Variants in LRRC47 observed in about 807,000 individuals in gnomAD.
LRRC47 encodes the protein leucine rich repeat containing 47.
LRRC47 carries 31 observed loss-of-function variants against 40.9 expected under a neutral mutation model. That is an observed-to-expected ratio of 0.76 (90% CI 0.57 to 1.02). The LOEUF (loss-of-function observed/expected upper bound fraction) is 1.02, where lower values mean the gene tolerates loss of function less well. Among genes scored for constraint, LRRC47 ranks in the 50% least tolerant of loss-of-function variants. LRRC47 has a pLI of 0.00. For synonymous variants in LRRC47, 427 were observed against 371.9 expected, an observed-to-expected ratio of 1.15 and a Z score of -1.70; for missense variants, 726 against 796.1, an observed-to-expected ratio of 0.91 and a Z score of 1.06.
intron 1 of LRRC47, among the ~76,000 whole-genome samples, chr1:3,791,581 C>T (rs1005293111): frequency 1.2e-4 from 19 of 152,178 alleles, no homozygotes; most frequent in African/African-American, 3.9e-4. Context: ...CTCAGCTTCC[C>T]GAGTAGCTGG....
intron 1 of LRRC47, among the ~76,000 whole-genome samples, chr1:3,794,030 C>G (rs925939560): frequency 1.3e-5 from 2 of 152,094 alleles, no homozygotes; most frequent in Admixed American, 6.6e-5. Context: ...TCCATCTCTA[C>G]TAAAAATACG....
intron 1 of LRRC47, among the ~76,000 whole-genome samples, chr1:3,791,008 G>T (rs550649652): frequency 1.3e-5 from 2 of 152,226 alleles, no homozygotes; most frequent in Admixed American, 6.5e-5. Context: ...CATGTTCCAG[G>T]TTGATGCCTG....
At position 3,796,248 on chromosome 1, in the gene LRRC47, G is replaced by GCTGCGGCAGGCC; in HGVS notation, c.217_228dup (p.Gly73_Gln76dup). On this transcript the variant is annotated inframe_insertion, in exon 1 of 7. Transcript: ENST00000378251. ...TTGCGCCGCAGCACGAGGCTGTGCA[G>GCTGCGGCAGGCC]CTGCGGCAGGCCCTGCGCCAGGCCA... 4.1e-6 allele frequency: 6 copies of GCTGCGGCAGGCC among 1,455,282 alleles called. No individual in the cohort carries two copies. Among genetic ancestry groups the GCTGCGGCAGGCC allele is most frequent in the East Asian group, 3.0e-5 (1 of 33,672 alleles). 90.1% of individuals were successfully genotyped at this position (1,455,282 alleles called of 1,614,324 possible).
intron 2 of LRRC47, 123 bp downstream of exon 2, chr1:3,786,726 A>T (rs2124611467): frequency 2.2e-6 from 2 of 910,690 alleles, no homozygotes; most frequent in Non-Finnish European, 1.6e-6. Flanking sequence ...AAGCACACAG[A>T]CACCCGGCTG....
In LRRC47 at chr1:3,785,117, C is replaced by T. The variant is rs1643559728; in HGVS notation, c.1164G>A (p.Leu388=). Reference sequence around the variant, plus strand: ...GGTCCTGTGGGGGCCGGGCGCAGTACAGCAGGGGCCCTTTGACGGCACGGA... The same window carrying T: ...GGTCCTGTGGGGGCCGGGCGCAGTATAGCAGGGGCCCTTTGACGGCACGGA... ...HELRAVKGPL[L]YCARPPQDLK... Residue 388 remains leucine, a synonymous_variant, in exon 3 of 7, where the codon CTG becomes CTA. Transcript: ENST00000378251. 1 of 1,601,136 alleles carries T rather than the reference C, an allele frequency of 6.2e-7. No individual in the cohort carries two copies. The highest frequency in any genetic ancestry group is 1.1e-5 in the South Asian group (1 of 90,086).
chr1:3,790,153 G>A (rs556352324), intron 1 of LRRC47, among the ~76,000 whole-genome samples: 1 of 152,364 alleles, frequency 6.6e-6, no homozygotes, highest in Non-Finnish European at 1.5e-5. Flanking sequence ...GCTGCCTTCC[G>A]GGCCCATGGC....
At chr1:3,783,900 A>T (rs527538399) in intron 4 of LRRC47, 96 bp downstream of exon 4, 1 of 965,602 alleles carries the variant, frequency 1.0e-6, no homozygotes, top group East Asian at 2.7e-5. Context: ...TTCTGGTAGC[A>T]TTAGGCGGTT....
At chr1:3,792,895 C>G (rs947094889) in intron 1 of LRRC47, among the ~76,000 whole-genome samples, 2 of 152,214 alleles carry the variant, frequency 1.3e-5, no homozygotes, top group Admixed American at 6.5e-5. Context: ...CCAAAAGTAT[C>G]TGTCAGGTGG....
chr1:3,791,876 C>A (rs1484621448), intron 1 of LRRC47, among the ~76,000 whole-genome samples: 3 of 152,158 alleles, frequency 2.0e-5, no homozygotes, highest in Admixed American at 1.3e-4. Context: ...ACCTCAGCCT[C>A]CTGAGTAGCT....
In LRRC47 at chr1:3,781,063, C is replaced by G; in HGVS notation, c.*25G>C. On this transcript the variant is annotated 3_prime_UTR_variant, in exon 7 of 7. Coordinates refer to ENST00000378251, the MANE Select transcript of LRRC47 (RefSeq NM_020710.3). ...AGAAACCTCCGCAAAACCGGCCAAA[C>G]AAACGCGGACAGGCGGCCCTGGCGT... The G allele has an allele frequency of 1.2e-6, 2 of 1,600,280 alleles. No homozygotes were observed. Among genetic ancestry groups the G allele is most frequent in the Non-Finnish European group, 1.7e-6 (2 of 1,170,182 alleles).
At chr1:3,793,254 G>A (rs1016115581) in intron 1 of LRRC47, among the ~76,000 whole-genome samples, 1 of 152,116 alleles carries the variant, frequency 6.6e-6, no homozygotes, top group Non-Finnish European at 1.5e-5. Context: ...TAGGATTACA[G>A]GCATGTGCCA....
rs763025814 is a variant in LRRC47, at chr1:3,782,779, T to C, written c.1311-16A>G. 2.8e-6 allele frequency: 4 copies of C among 1,432,854 alleles called. No homozygotes were observed. Among genetic ancestry groups the C allele is most frequent in the South Asian group, 2.3e-5 (2 of 87,530 alleles). 88.8% of individuals were successfully genotyped at this position (1,432,854 alleles called of 1,614,324 possible). ...GTGAAGGTATCTGTATGGGAAGAAATACAAATTCCAGGCATAATTATAAAA... is the reference window on the plus strand; with the variant it reads ...GTGAAGGTATCTGTATGGGAAGAAACACAAATTCCAGGCATAATTATAAAA... On this transcript the variant is annotated splice_polypyrimidine_tract_variant and intron_variant, in intron 4 of 6. Transcript: ENST00000378251.
intron 2 of LRRC47, 104 bp downstream of exon 2, chr1:3,786,745 A>ACTCCACTG: frequency 3.6e-6 from 4 of 1,102,318 alleles, no homozygotes; most frequent in Non-Finnish European, 5.1e-6. Context: ...TGGGCCCCAT[A>ACTCCACTG]CTCCACTGCT....
chr1:3,785,837 CCAAAATAT>C lies in LRRC47; in HGVS notation c.1078-642_1078-635del, dbSNP rs923282073. Among the ~76,000 whole-genome samples, 367 of 151,096 alleles carry C rather than the reference CCAAAATAT, an allele frequency of 2.4e-3. 1 individual carries two copies. Among genetic ancestry groups the C allele is most frequent in the African/African-American group, 8.4e-3 (348 of 41,214 alleles). On this transcript the variant is annotated intron_variant, in intron 2 of 6. Coordinates refer to ENST00000378251, the MANE Select transcript of LRRC47 (RefSeq NM_020710.3). Reference sequence around the variant, plus strand: ...TTTACTGCAGAAGTCAGAAAACCCACCAAAATATCAAAAAATCAAGGAACCCTGATTTT... The same window carrying C: ...TTTACTGCAGAAGTCAGAAAACCCACCAAAAAATCAAGGAACCCTGATTTT...
Position 3,784,025 on chromosome 1 carries a change from CT to C in LRRC47, c.1280del (p.Lys427ArgfsTer32). 1.9e-6 allele frequency: 3 copies of C among 1,611,152 alleles called. No homozygotes were observed. The highest frequency in any genetic ancestry group is 2.5e-6 in the Non-Finnish European group (3 of 1,179,828). ...QLEAEEQRKQ[K>X]KRQSVSGLHR... ...GCAGGCCCGACACACTCTGCCGCTT[CT>C]TCTGCTTCCTCTGCTCCTCGGCCTC... On this transcript the variant is annotated frameshift_variant, in exon 4 of 7. Transcript: ENST00000378251. LOFTEE classifies it high-confidence loss of function.
rs1643517087 is a variant in LRRC47, at chr1:3,781,262, T to C, written c.1578A>G (p.Ala526=). ...EGSLSDTEAD[A]VSGQLPDPTT... is the part of the protein sequence containing the mutation. ...TGGGATCTGGAAGTTGTCCAGAGAC[T>C]GCATCGGCTTCAGTATCTGAGAGTG... The change falls in exon 7 of 7, where the codon GCA becomes GCG. Residue 526 remains alanine, a synonymous_variant. Transcript: ENST00000378251. The C allele has an allele frequency of 6.2e-7, 1 of 1,614,240 alleles. No individual in the cohort carries two copies. Among genetic ancestry groups the C allele is most frequent in the African/African-American group, 1.3e-5 (1 of 75,068 alleles).
In LRRC47 at chr1:3,791,412, GC is replaced by G. The variant is rs893721482; in HGVS notation, c.616-4103del. Among the ~76,000 whole-genome samples, 21 of 152,334 alleles carry G rather than the reference GC, an allele frequency of 1.4e-4. 1 individual carries two copies. The highest frequency in any genetic ancestry group is 1.1e-3 in the Admixed American group (17 of 15,306). On this transcript the variant is annotated intron_variant, in intron 1 of 6. Coordinates refer to ENST00000378251, the MANE Select transcript of LRRC47 (RefSeq NM_020710.3). Reference sequence around the variant, plus strand: ...CGGCACGCAGCCACAGAGAGACAGGGCTGGAGCCCGTGCCTTCTGTTTTTTT... The same window carrying G: ...CGGCACGCAGCCACAGAGAGACAGGGTGGAGCCCGTGCCTTCTGTTTTTTT...
At chr1:3,795,809 T>A in intron 1 of LRRC47, 53 bp downstream of exon 1, 2 of 1,475,854 alleles carry the variant, frequency 1.4e-6, no homozygotes, top group Non-Finnish European at 1.8e-6. Context: ...GGGTTCCTTC[T>A]CCAGGGCTAC....
intron 5 of LRRC47, among the ~76,000 whole-genome samples, 161 bp downstream of exon 5, chr1:3,782,500 G>A (rs981644445): frequency 5.3e-5 from 8 of 152,132 alleles, no homozygotes; most frequent in African/African-American, 1.9e-4. Context: ...CTCCATATTG[G>A]TCAGGCTGGT....
Sources: gnomAD v4.1 joint callset for allele counts (sites outside exome capture counted in the v4.1 genomes callset) on GRCh38, gnomAD v4.1.1 for gene constraint, MANE v1.5 for transcripts, NCBI Gene and HGNC (gene_info 2026-07-23, HGNC 2026-07-21) for gene names.